Variants in PIK3AP1 observed in about 807,000 individuals in gnomAD.
PIK3AP1 encodes the protein phosphoinositide 3-kinase adapter protein 1.
Under a neutral mutation model 88.1 loss-of-function variants are expected in PIK3AP1, and 21 were observed. The observed-to-expected ratio is 0.24, with a 90% CI of 0.17 to 0.34. The LOEUF (loss-of-function observed/expected upper bound fraction) is 0.34, where lower values mean the gene tolerates loss of function less well. Among genes scored for constraint, PIK3AP1 ranks in the 10% least tolerant of loss-of-function variants. PIK3AP1 has a pLI of 1.00. For missense variants in PIK3AP1, 828 were observed against 1,035.7 expected (o/e 0.80, Z 2.75); for synonymous variants, 398 against 400.0 (o/e 1.00, Z 0.06).
intron 4 of PIK3AP1, among the ~76,000 whole-genome samples, 170 bp downstream of exon 4, chr10:96,652,528 A>G (rs1477830112): frequency 2.0e-5 from 3 of 152,004 alleles, no homozygotes; most frequent in African/African-American, 7.2e-5. Context: ...AGCTGAGATC[A>G]TGCCACTGCA....
chr10:96,678,320 A>G (rs551661449), intron 2 of PIK3AP1, among the ~76,000 whole-genome samples: 1 of 152,234 alleles, frequency 6.6e-6, no homozygotes, highest in Non-Finnish European at 1.5e-5. Context: ...CTGTAGTTCC[A>G]GCTACTAGGG....
At chr10:96,626,382 G>A (rs183119841) in intron 10 of PIK3AP1, among the ~76,000 whole-genome samples, 2 of 152,284 alleles carry the variant, frequency 1.3e-5, no homozygotes, top group East Asian at 1.9e-4. Context: ...GAGCATTCTT[G>A]ATAGATTTCA....
At chr10:96,631,561 C>A (rs981822000) in intron 8 of PIK3AP1, among the ~76,000 whole-genome samples, 1 of 152,106 alleles carries the variant, frequency 6.6e-6, no homozygotes, top group African/African-American at 2.4e-5. Context: ...CTAATGTGCT[C>A]ATTTGGGGAG....
intron 2 of PIK3AP1, among the ~76,000 whole-genome samples, chr10:96,678,163 G>A (rs1843951031): frequency 6.6e-6 from 1 of 152,152 alleles, no homozygotes; most frequent in African/African-American, 2.4e-5. Context: ...GCTGGGCACA[G>A]TGGTTCATGC....
intron 7 of PIK3AP1, 121 bp from the exon 8 acceptor site, chr10:96,645,783 G>A (rs1843451252): frequency 2.6e-6 from 2 of 781,678 alleles, no homozygotes; most frequent in Middle Eastern, 3.8e-4. Context: ...GATTACAACT[G>A]GTTGTGTGTA....
In PIK3AP1 at chr10:96,709,715, A is replaced by G. The variant is rs1253926101; in HGVS notation, c.282T>C (p.Pro94=). 1 of 1,614,180 alleles carries G rather than the reference A, an allele frequency of 6.2e-7. No individual in the cohort carries two copies. Among genetic ancestry groups the G allele is most frequent in the Non-Finnish European group, 8.5e-7 (1 of 1,180,030 alleles). The change falls in exon 2 of 17, where the codon CCT becomes CCC. Residue 94 remains proline, a synonymous_variant. Coordinates refer to ENST00000339364, the MANE Select transcript of PIK3AP1 (RefSeq NM_152309.3). ...AGAGCAGCCTGACCACGCGGTGCGGAGGATGGAAAGCTCTCTGCAGCAGGG... is the reference window on the plus strand; with the variant it reads ...AGAGCAGCCTGACCACGCGGTGCGGGGGATGGAAAGCTCTCTGCAGCAGGG... The part of the protein sequence containing the change: ...LLPLLQRAFH[P]PHRVVRLLCG...
chr10:96,629,656 T>A (rs1320219123), intron 8 of PIK3AP1, among the ~76,000 whole-genome samples: 5 of 127,422 alleles, frequency 3.9e-5, no homozygotes, highest in African/African-American at 1.5e-4. Flanking sequence ...GGCAGAAGGA[T>A]CACTTGAGCC....
At position 96,720,243 on chromosome 10, in the gene PIK3AP1, A is replaced by C; in HGVS notation, c.13+139T>G. ...TGGAGTGGGAAGTTTGCGACAGGGA[A>C]CATAGAAAAGAGCAGAAAGAGGGCA... On this transcript the variant is annotated intron_variant, in intron 1 of 16. Transcript: ENST00000339364. This position sits in a 1 kb window ranked among gnomAD's most constrained non-coding sequence, Gnocchi z 4.6. The C allele has an allele frequency of 1.2e-6, 1 of 847,480 alleles. No homozygotes were observed. The highest frequency in any genetic ancestry group is 1.6e-6 in the Non-Finnish European group (1 of 639,676). 52.5% of individuals were successfully genotyped at this position (847,480 alleles called of 1,614,324 possible).
At chr10:96,612,954 A>G (rs1156683865) in intron 13 of PIK3AP1, among the ~76,000 whole-genome samples, 1,702 of 51,456 alleles carry the variant, frequency 0.033, 34 homozygotes, top group Middle Eastern at 0.056. Flanking sequence ...GTGTGTGTAT[A>G]TATATATATA....
rs181167060 is a variant in PIK3AP1, at chr10:96,650,147, A to G, written c.988+1101T>C. Reference sequence around the variant, plus strand: ...CCCAAACTTAATAGAGAATAGTCACATCTACAAAAGTGCTGCAAGAACATT... The same window carrying G: ...CCCAAACTTAATAGAGAATAGTCACGTCTACAAAAGTGCTGCAAGAACATT... On this transcript the variant is annotated intron_variant, in intron 6 of 16. Coordinates refer to ENST00000339364, the MANE Select transcript of PIK3AP1 (RefSeq NM_152309.3). Among the ~76,000 whole-genome samples the G allele has an allele frequency of 5.5e-4, 84 of 152,350 alleles. 1 individual carries two copies. Among genetic ancestry groups the G allele is most frequent in the African/African-American group, 2.0e-3 (82 of 41,584 alleles).
chr10:96,703,258 T>C (rs143974340), intron 2 of PIK3AP1, among the ~76,000 whole-genome samples: 6 of 152,306 alleles, frequency 3.9e-5, no homozygotes, highest in African/African-American at 7.2e-5. Flanking sequence ...TGTAGATATA[T>C]AGACATATCC....
intron 2 of PIK3AP1, among the ~76,000 whole-genome samples, chr10:96,704,853 C>T (rs765652810): frequency 9.9e-5 from 15 of 152,118 alleles, no homozygotes; most frequent in Non-Finnish European, 2.1e-4. Flanking sequence ...CATTGTTTAG[C>T]TAGCATAGCA....
At chr10:96,673,986 G>A (rs1843883132) in intron 2 of PIK3AP1, among the ~76,000 whole-genome samples, 1 of 152,170 alleles carries the variant, frequency 6.6e-6, no homozygotes, top group African/African-American at 2.4e-5. Flanking sequence ...TTCAGGAAGG[G>A]TAACTTTCTG....
chr10:96,699,260 C>T (rs1050852383), intron 2 of PIK3AP1, among the ~76,000 whole-genome samples: 3 of 152,166 alleles, frequency 2.0e-5, no homozygotes, highest in Non-Finnish European at 2.9e-5. Context: ...TCTTTTTGAG[C>T]TTCACTGTCC....
At chr10:96,646,122 T>C (rs988224605) in intron 7 of PIK3AP1, among the ~76,000 whole-genome samples, 2 of 152,108 alleles carry the variant, frequency 1.3e-5, no homozygotes, top group Admixed American at 6.5e-5. Context: ...TAGCCGGGCA[T>C]GGTGGAGCAC....
chr10:96,601,928 G>C (rs1446623214), intron 16 of PIK3AP1, among the ~76,000 whole-genome samples: 2 of 152,162 alleles, frequency 1.3e-5, no homozygotes, highest in African/African-American at 2.4e-5. Context: ...CTGTCACCCA[G>C]GCTAGAGTGC....
At position 96,603,761 on chromosome 10, in the gene PIK3AP1, C is replaced by CCCCATTAAGCAGTTTCTT; in HGVS notation, c.2241+200_2241+217dup. Reference sequence around the variant, plus strand: ...CTCTAGAGAACCCTAATACACCTGTCCCCATTAAGCAGTTTCTTCCCATTC... The same window carrying CCCCATTAAGCAGTTTCTT: ...CTCTAGAGAACCCTAATACACCTGTCCCCATTAAGCAGTTTCTTCCCATTAAGCAGTTTCTTCCCATTC... On this transcript the variant is annotated intron_variant, in intron 15 of 16. Coordinates refer to ENST00000339364, the MANE Select transcript of PIK3AP1 (RefSeq NM_152309.3). The CCCCATTAAGCAGTTTCTT allele has an allele frequency of 8.1e-6, 4 of 495,004 alleles. 1 individual carries two copies. The South Asian group carries it at 9.0e-5, about 11-fold the overall frequency. The allele number at this position is 495,004 out of a possible 1,614,324, so 30.7% of individuals were successfully genotyped here. A position where few individuals can be genotyped will look rare whatever the true frequency, so the allele number is the denominator to read the frequency against.
chr10:96,674,820 G>A (rs1460133668), intron 2 of PIK3AP1, among the ~76,000 whole-genome samples: 1 of 152,252 alleles, frequency 6.6e-6, no homozygotes, highest in African/African-American at 2.4e-5. Flanking sequence ...TGAAAATTCT[G>A]CATGGTACAC....
chr10:96,631,961 A>T (rs1233695104), intron 8 of PIK3AP1, among the ~76,000 whole-genome samples: 3 of 152,220 alleles, frequency 2.0e-5, no homozygotes, highest in Non-Finnish European at 4.4e-5. Context: ...AGACTTAAGA[A>T]CATCATGACT....
Sources: allele counts gnomAD v4.1 joint callset (sites outside exome capture counted in the v4.1 genomes callset), GRCh38; gene constraint gnomAD v4.1.1; non-coding constraint Gnocchi (gnomAD v3.1); transcripts MANE v1.5; gene names NCBI Gene and HGNC (gene_info 2026-07-23, HGNC 2026-07-21).